Variants in IL17F observed in about 807,000 individuals in gnomAD.
IL17F encodes the protein interleukin 17F, also known as interleukin-17F.
In IL17F, 6 loss-of-function variants were observed where a neutral mutation model predicts 8.3. The ratio of observed to expected loss-of-function variants is 0.73; its 90% CI spans 0.40 to 1.43. IL17F has a LOEUF of 1.43. Among genes scored for constraint, IL17F ranks in the 40% most tolerant of loss-of-function variants. IL17F has a pLI of 0.02. For synonymous variants in IL17F, 98 were observed against 81.6 expected, an observed-to-expected ratio of 1.20 and a Z score of -1.08; for missense variants, 204 against 209.6, an observed-to-expected ratio of 0.97 and a Z score of 0.17.
At chr6:52,237,214 G>A (rs1048156234) in intron 2 of IL17F, 46 bp from the exon 3 acceptor site, 1 of 1,440,978 alleles carries the variant, frequency 6.9e-7, no homozygotes, top group Non-Finnish European at 9.7e-7. Context: ...CATGGGGGAG[G>A]AAGACAGCGA....
chr6:52,243,887 C>T (rs1168251736), intron 1 of IL17F, among the ~76,000 whole-genome samples: 1 of 152,104 alleles, frequency 6.6e-6, no homozygotes, highest in Non-Finnish European at 1.5e-5. Flanking sequence ...CTCAGCCTCC[C>T]GAGTAGCTGG....
upstream of IL17F, chr6:52,244,621 T>TA (rs945373115): frequency 5.1e-6 from 3 of 593,354 alleles, no homozygotes; most frequent in Admixed American, 6.0e-5. Flanking sequence ...TTTTTTTTTT[T>TA]ATTCCATTTC....
At chr6:52,241,387 T>A (rs1486570692) in intron 1 of IL17F, among the ~76,000 whole-genome samples, 1 of 151,322 alleles carries the variant, frequency 6.6e-6, no homozygotes, top group African/African-American at 2.4e-5. Context: ...CTGCTATGAC[T>A]TTTTTTTTAA....
In IL17F at chr6:52,238,750, G is replaced by A. The variant is rs1373742657; in HGVS notation, c.234C>T (p.Ser78=). ...CTTACGTGTAATTCCAGGGGGAGGT[G>A]GAGCGGCTCTCGATGTTACGTGACA... ...VSMSRNIESR[S]TSPWNYTVTW... is the part of the protein sequence containing the mutation. The change falls in exon 2 of 3, where the codon TCC becomes TCT. Residue 78 remains serine (S), a synonymous_variant. Transcript: ENST00000336123. 6.2e-7 allele frequency: 1 copy of A among 1,614,092 alleles called. No homozygotes were observed.
intron 1 of IL17F, among the ~76,000 whole-genome samples, chr6:52,240,949 G>C (rs575554266): frequency 6.6e-6 from 1 of 152,054 alleles, no homozygotes; most frequent in African/African-American, 2.4e-5. Context: ...AACACTGGCA[G>C]CATATGATAA....
At chr6:52,240,415 CGACAGTGCGA>C (rs1562359733) in intron 1 of IL17F, among the ~76,000 whole-genome samples, 1 of 131,796 alleles carries the variant, frequency 7.6e-6, no homozygotes. Context: ...CCAGCCTGGG[CGACAGTGCGA>C]GACTCCTGCT....
chr6:52,242,112 C>T (rs1243260705), intron 1 of IL17F, among the ~76,000 whole-genome samples: 1 of 152,186 alleles, frequency 6.6e-6, no homozygotes. Flanking sequence ...ATGATTTAAA[C>T]AGCACCTCTC....
At chr6:52,244,142 G>A (rs1383255448) in intron 1 of IL17F, among the ~76,000 whole-genome samples, 5 of 151,924 alleles carry the variant, frequency 3.3e-5, no homozygotes, top group African/African-American at 4.8e-5. Flanking sequence ...TGACCCGCCC[G>A]CCTTGGCCTC....
intron 1 of IL17F, among the ~76,000 whole-genome samples, chr6:52,239,986 C>T (rs951789134): frequency 5.3e-5 from 8 of 152,142 alleles, no homozygotes; most frequent in Middle Eastern, 3.4e-3. Context: ...TATAGGAATG[C>T]GCAAAGAATG....
intron 1 of IL17F, among the ~76,000 whole-genome samples, chr6:52,243,407 A>T (rs1764105461): frequency 6.6e-6 from 1 of 152,182 alleles, no homozygotes; most frequent in South Asian, 2.1e-4. Context: ...GAAGAATGAG[A>T]TGGTACAAAA....
chr6:52,245,653 C>A (rs563459773), upstream of IL17F, among the ~76,000 whole-genome samples: 1 of 152,300 alleles, frequency 6.6e-6, no homozygotes, highest in African/African-American at 2.4e-5. Flanking sequence ...GTTCAGCGGT[C>A]CAAAGGCTCT....
In IL17F at chr6:52,238,787, T is replaced by C; in HGVS notation, c.197A>G (p.Gln66Arg). Residue 66 changes from glutamine to arginine, a missense_variant, in exon 2 of 3, where the codon CAG becomes CGG. Physicochemically the swap from Gln to Arg is conservative, Grantham distance 43. Transcript: ENST00000336123. ...GATGTTACGTGACATGGAAACGCGCTGGTTTTCATTGATGATGCCAATGTC... is the reference window on the plus strand; with the variant it reads ...GATGTTACGTGACATGGAAACGCGCCGGTTTTCATTGATGATGCCAATGTC... ...KLDIGIINEN[Q>R]RVSMSRNIES... 1 of 1,614,170 alleles carries C rather than the reference T, an allele frequency of 6.2e-7. No individual in the cohort carries two copies. Among genetic ancestry groups the C allele is most frequent in the Non-Finnish European group, 8.5e-7 (1 of 1,180,008 alleles).
In IL17F at chr6:52,237,041, G is replaced by C. The variant is rs758566976; in HGVS notation, c.382C>G (p.Leu128Val). The C allele has an allele frequency of 1.2e-6, 2 of 1,614,236 alleles. No individual in the cohort carries two copies. The highest frequency in any genetic ancestry group is 8.5e-7 in the Non-Finnish European group (1 of 1,180,026). ...CCTTGGTGCTTCCTCCGGACGACCA[G>C]GGTCTCTTGCTGGATGGGAACGGAA... ...MNSVPIQQET[L>V]VVRRKHQGCS... Residue 128 changes from leucine (L) to valine (V), a missense_variant, in exon 3 of 3, where the codon CTG becomes GTG. Leu to Val is a conservative substitution (Grantham distance 32, BLOSUM62 1). Transcript: ENST00000336123.
At chr6:52,240,034 A>C (rs888801795) in intron 1 of IL17F, among the ~76,000 whole-genome samples, 2 of 152,226 alleles carry the variant, frequency 1.3e-5, no homozygotes, top group Non-Finnish European at 2.9e-5. Context: ...AAAAGCTACA[A>C]ATCTTGCCAG....
rs77804812 is a variant in IL17F, at chr6:52,242,988, C to G, written c.33+1409G>C. Among the ~76,000 whole-genome samples, 807 of 152,272 alleles carry G rather than the reference C, an allele frequency of 5.3e-3. 7 individuals carry two copies. Among genetic ancestry groups the G allele is most frequent in the African/African-American group, 0.019 (772 of 41,560 alleles). The stretch of plus-strand genomic sequence containing the variant: ...AGATGCCATTGTTATCCCCACCATA[C>G]AGTTGAGGAAACGGAGGCACAGAGA... On this transcript the variant is annotated intron_variant, in intron 1 of 2. Coordinates refer to ENST00000336123, the MANE Select transcript of IL17F (RefSeq NM_052872.4).
intron 1 of IL17F, among the ~76,000 whole-genome samples, chr6:52,241,247 T>G (rs1376943227): frequency 1.3e-5 from 2 of 152,114 alleles, no homozygotes; most frequent in African/African-American, 4.8e-5. Context: ...CCTGATAATT[T>G]TTTGTATTTT....
rs1763967197 is a variant in IL17F, at chr6:52,236,800, T to C, written c.*131A>G. 1 of 782,290 alleles carries C rather than the reference T, an allele frequency of 1.3e-6. No individual in the cohort carries two copies. The highest frequency in any genetic ancestry group is 2.4e-5 in the East Asian group (1 of 41,020). 48.5% of individuals were successfully genotyped at this position (782,290 alleles called of 1,614,324 possible). ...CACATACATTGTGAATATTTTCTGT[T>C]TCCATCCGTGCAGGTCTTATTAAGA... On this transcript the variant is annotated 3_prime_UTR_variant, in exon 3 of 3. Coordinates refer to ENST00000336123, the MANE Select transcript of IL17F (RefSeq NM_052872.4).
intron 2 of IL17F, among the ~76,000 whole-genome samples, chr6:52,237,929 A>C (rs942051451): frequency 1.2e-4 from 18 of 152,110 alleles, no homozygotes; most frequent in African/African-American, 4.3e-4. Context: ...AGAGCCAGAA[A>C]ATTCGCTTAA....
chr6:52,241,596 G>T (rs188216421), intron 1 of IL17F, among the ~76,000 whole-genome samples: 1 of 152,248 alleles, frequency 6.6e-6, no homozygotes, highest in East Asian at 1.9e-4. Flanking sequence ...TAATTACAAT[G>T]CTTCTAACAA....
Sources: gnomAD v4.1 joint callset for allele counts (sites outside exome capture counted in the v4.1 genomes callset) on GRCh38, gnomAD v4.1.1 for gene constraint, MANE v1.5 for transcripts, NCBI Gene and HGNC (gene_info 2026-07-23, HGNC 2026-07-21) for gene names.